Variants in TPCN1 observed in about 807,000 individuals in gnomAD.
TPCN1 encodes the protein two pore channel protein 1.
A neutral mutation model predicts 108.8 loss-of-function variants in TPCN1; 52 were observed. The observed-to-expected ratio is 0.48, with a 90% CI of 0.38 to 0.60. The LOEUF (loss-of-function observed/expected upper bound fraction) is 0.60, where lower values mean the gene tolerates loss of function less well. Among genes scored for constraint, TPCN1 ranks in the 20% least tolerant of loss-of-function variants. TPCN1 has a pLI of 0.00. For missense variants in TPCN1, 806 were observed against 1,072.8 expected (o/e 0.75, Z 3.47); for synonymous variants, 446 against 433.7 (o/e 1.03, Z -0.35).
chr12:113,258,459 C>T (rs1033578069), intron 2 of TPCN1, among the ~76,000 whole-genome samples: 4 of 151,382 alleles, frequency 2.6e-5, no homozygotes, highest in South Asian at 2.1e-4. Context: ...GAGTGAGACT[C>T]CATCTCAAAA....
intron 3 of TPCN1, among the ~76,000 whole-genome samples, chr12:113,264,256 G>A (rs1398435286): frequency 3.9e-5 from 6 of 152,130 alleles, no homozygotes; most frequent in East Asian, 3.8e-4. Flanking sequence ...TGCCCCTGCC[G>A]GGTTTGCTGC....
chr12:113,256,125 T>A (rs972050420), intron 2 of TPCN1, among the ~76,000 whole-genome samples: 2 of 152,120 alleles, frequency 1.3e-5, no homozygotes, highest in African/African-American at 4.8e-5. Context: ...GCTTGCCTAA[T>A]TTTTTTACTT....
chr12:113,296,919 A>G lies in TPCN1; in HGVS notation c.*843A>G, dbSNP rs998963255. On this transcript the variant is annotated 3_prime_UTR_variant, in exon 28 of 28. Transcript: ENST00000335509. ...CCCTTTTTTTGCGATTTACCCGTTCAAGCAAAACAACGTTTTGGTTAACTA... is the reference window on the plus strand; with the variant it reads ...CCCTTTTTTTGCGATTTACCCGTTCGAGCAAAACAACGTTTTGGTTAACTA... 6.6e-6 allele frequency: 1 copy of G among 152,268 alleles called. No individual in the cohort carries two copies. Among genetic ancestry groups the G allele is most frequent in the African/African-American group, 2.4e-5 (1 of 41,444 alleles). The allele number at this position is 152,268 out of a possible 1,614,324, so 9.4% of individuals were successfully genotyped here. A position where few individuals can be genotyped will look rare whatever the true frequency, so the allele number is the denominator to read the frequency against.
intron 2 of TPCN1, among the ~76,000 whole-genome samples, chr12:113,239,711 G>C (rs893657346): frequency 3.9e-5 from 6 of 152,116 alleles, no homozygotes; most frequent in Admixed American, 6.5e-5. Context: ...TGGATGTTTG[G>C]GTCTCTGCTT....
chr12:113,288,519 C>T lies in TPCN1; in HGVS notation c.1707-239C>T, dbSNP rs1167254477. 7 of 1,494,124 alleles carry T rather than the reference C, an allele frequency of 4.7e-6. No individual in the cohort carries two copies. The highest frequency in any genetic ancestry group is 6.2e-6 in the Non-Finnish European group (7 of 1,124,550). 92.6% of individuals were successfully genotyped at this position (1,494,124 alleles called of 1,614,324 possible). A position where few individuals can be genotyped will look rare whatever the true frequency, so the allele number is the denominator to read the frequency against. On this transcript the variant is annotated intron_variant, in intron 20 of 27. Coordinates refer to ENST00000335509, the MANE Select transcript of TPCN1 (RefSeq NM_017901.6). This position sits in a 1 kb window ranked among gnomAD's most constrained non-coding sequence, Gnocchi z 4.8. ...GGTAAGGGGTCACCTGTGAGTCTAC[C>T]TTCACAGGTAAGGGGTGAATCTCTG...
At position 113,278,341 on chromosome 12, in the gene TPCN1, C is replaced by G; in HGVS notation, c.1233+104C>G. The G allele has an allele frequency of 4.8e-6, 5 of 1,045,648 alleles. No homozygotes were observed. The South Asian group carries it at 5.1e-5, about 11-fold the overall frequency. The allele number at this position is 1,045,648 out of a possible 1,614,324, so 64.8% of individuals were successfully genotyped here. A position where few individuals can be genotyped will look rare whatever the true frequency, so the allele number is the denominator to read the frequency against. On this transcript the variant is annotated intron_variant, in intron 13 of 27. Coordinates refer to ENST00000335509, the MANE Select transcript of TPCN1 (RefSeq NM_017901.6). Reference sequence around the variant, plus strand: ...AGATCCAGCTCTCTCCCTGCTAGAGCAGCTCAGCCCCCAGCTTGGCATGGT... The same window carrying G: ...AGATCCAGCTCTCTCCCTGCTAGAGGAGCTCAGCCCCCAGCTTGGCATGGT...
At chr12:113,275,450 G>A (rs900614396) in intron 10 of TPCN1, among the ~76,000 whole-genome samples, 1 of 151,928 alleles carries the variant, frequency 6.6e-6, no homozygotes, top group East Asian at 1.9e-4. Context: ...TGCCATGTTG[G>A]TCAGGCTGGT....
rs1333423610 is a variant in TPCN1 at position 113,231,385 on chromosome 12, T to C, written c.112+4421T>C. Among the ~76,000 whole-genome samples the C allele has an allele frequency of 1.3e-5, 2 of 152,248 alleles. No individual in the cohort carries two copies. On this transcript the variant is annotated intron_variant, in intron 2 of 27. Transcript: ENST00000335509. This position sits in a 1 kb window ranked among gnomAD's most constrained non-coding sequence, Gnocchi z 4.3. Reference sequence around the variant, plus strand: ...GTCCCCACATGATTGTCCCTGAGTCTGTGTGTCTGTCCTCTTCAGATAAGG... The same window carrying C: ...GTCCCCACATGATTGTCCCTGAGTCCGTGTGTCTGTCCTCTTCAGATAAGG...
chr12:113,287,196 C>T (rs1016725108), intron 19 of TPCN1, 102 bp downstream of exon 19: 5 of 963,332 alleles, frequency 5.2e-6, no homozygotes, highest in Non-Finnish European at 8.0e-6. Context: ...AGAAGGTTCA[C>T]AAGCCAGAGT....
At chr12:113,261,917 C>T (rs1273621052) in intron 3 of TPCN1, among the ~76,000 whole-genome samples, 1 of 150,926 alleles carries the variant, frequency 6.6e-6, no homozygotes. Flanking sequence ...ATGGAATTAC[C>T]GGGTAGAAGG....
Position 113,258,233 on chromosome 12 carries a change from C to G in TPCN1, c.113-2135C>G, listed in dbSNP as rs148653640. ...TATAATCCCAGAACTTTGGGAGGCC[C>G]AGGCGGGTGGATCACTTGAGGTCAG... On this transcript the variant is annotated intron_variant, in intron 2 of 27. Coordinates refer to ENST00000335509, the MANE Select transcript of TPCN1 (RefSeq NM_017901.6). 1.7e-3 allele frequency among the ~76,000 whole-genome samples: 264 copies of G among 152,092 alleles called. 2 individuals carry two copies. Among genetic ancestry groups the G allele is most frequent in the Admixed American group, 5.0e-3 (76 of 15,250 alleles).
chr12:113,273,654 T>G lies in TPCN1; in HGVS notation c.928T>G (p.Phe310Val). The change falls in exon 10 of 28, where the codon TTC (phenylalanine) becomes GTC (valine). Residue 310 changes from phenylalanine (F) to valine (V), a missense_variant. Transcript: ENST00000335509. The surrounding 1 kb of genome is among the most constrained non-coding windows in gnomAD (Gnocchi z 4.0). ...FIVYLSIELY[F>V]IMNLLLAVVF... Reference sequence around the variant, plus strand: ...CGTGTACCTCTCCATCGAGCTGTATTTCATCATGAACCTGGTGAGTGACTA... The same window carrying G: ...CGTGTACCTCTCCATCGAGCTGTATGTCATCATGAACCTGGTGAGTGACTA... The G allele has an allele frequency of 6.2e-7, 1 of 1,614,084 alleles. No homozygotes were observed. Among genetic ancestry groups the G allele is most frequent in the South Asian group, 1.1e-5 (1 of 91,082 alleles).
rs751296676 is a variant in TPCN1, at chr12:113,273,255, C to T, written c.807C>T (p.Ser269=). 7 of 1,614,128 alleles carry T rather than the reference C, an allele frequency of 4.3e-6. No homozygotes were observed. Among genetic ancestry groups the T allele is most frequent in the Non-Finnish European group, 5.1e-6 (6 of 1,180,052 alleles). Residue 269 remains serine (S), a synonymous_variant, in exon 9 of 28, where the codon AGC becomes AGT. Coordinates refer to ENST00000335509, the MANE Select transcript of TPCN1 (RefSeq NM_017901.6). This position sits in a 1 kb window ranked among gnomAD's most constrained non-coding sequence, Gnocchi z 4.0. ...SDPYFSTLEN[S]IVSLFVLLTT... ...AGTACTTCAGCACCCTGGAGAACAG[C>T]ATCGTCAGTCTGTTTGTCCTTCTGA...
At chr12:113,238,129 C>T (rs757250308) in intron 2 of TPCN1, among the ~76,000 whole-genome samples, 1 of 152,198 alleles carries the variant, frequency 6.6e-6, no homozygotes, top group Non-Finnish European at 1.5e-5. Context: ...GATGTTCTGC[C>T]TTTCCCACTT....
At position 113,278,883 on chromosome 12, in the gene TPCN1, A is replaced by T. The variant is rs1379409339; in HGVS notation, c.1297+48A>T. 2.3e-5 allele frequency: 35 copies of T among 1,550,572 alleles called. 1 individual carries two copies. Among genetic ancestry groups the T allele is most frequent in the Non-Finnish European group, 2.9e-5 (33 of 1,122,920 alleles). On this transcript the variant is annotated intron_variant, in intron 14 of 27. Transcript: ENST00000335509. ...GGTGTTGGCAGCTGGGGGCCGATGG[A>T]GGTTTTCAGAGACCACAGATAAGCG...
In TPCN1 at chr12:113,233,146, G is replaced by A. The variant is rs574922543; in HGVS notation, c.112+6182G>A. The stretch of plus-strand genomic sequence containing the variant: ...TCCTCAGCCCTCCACATCTTCATGG[G>A]GGGGATCCTGTCTGTTGCCTCAGGC... On this transcript the variant is annotated intron_variant, in intron 2 of 27. Coordinates refer to ENST00000335509, the MANE Select transcript of TPCN1 (RefSeq NM_017901.6). Among the ~76,000 whole-genome samples, 9 of 152,304 alleles carry A rather than the reference G, an allele frequency of 5.9e-5. No individual in the cohort carries two copies. In the South Asian group the frequency reaches 1.7e-3, roughly 28 times the overall value.
In TPCN1 at chr12:113,290,185, C is replaced by T. The variant is rs150639944; in HGVS notation, c.1854C>T (p.Thr618=). Reference sequence around the variant, plus strand: ...GCAACCACACCGTGGGCAACAGGACCGTGGTGGAGGAAGGCTACTATTATC... The same window carrying T: ...GCAACCACACCGTGGGCAACAGGACTGTGGTGGAGGAAGGCTACTATTATC... The part of the protein sequence containing the change: ...RWRNHTVGNR[T]VVEEGYYYLN... Residue 618 remains threonine, a synonymous_variant, in exon 22 of 28, where the codon ACC becomes ACT. Transcript: ENST00000335509. The T allele has an allele frequency of 9.0e-5, 144 of 1,608,110 alleles. 2 individuals carry two copies. The Middle Eastern group carries it at 1.2e-3, about 13-fold the overall frequency.
intron 12 of TPCN1, 129 bp from the exon 13 acceptor site, chr12:113,278,060 G>T (rs1955733189): frequency 4.2e-6 from 3 of 709,402 alleles, no homozygotes; most frequent in Non-Finnish European, 7.6e-6. Context: ...GCTGTGCTGG[G>T]ACTCACATGG....
At chr12:113,243,754 C>G (rs1284780826) in intron 2 of TPCN1, among the ~76,000 whole-genome samples, 1 of 151,846 alleles carries the variant, frequency 6.6e-6, no homozygotes, top group African/African-American at 2.4e-5. Flanking sequence ...GACTCCATCT[C>G]AAAAATAAAT....
Sources: gnomAD v4.1 joint callset for allele counts (sites outside exome capture counted in the v4.1 genomes callset) on GRCh38, gnomAD v4.1.1 for gene constraint, Gnocchi (gnomAD v3.1) non-coding constraint, MANE v1.5 for transcripts, NCBI Gene and HGNC (gene_info 2026-07-23, HGNC 2026-07-21) for gene names.